Variants in CHRND observed in about 807,000 individuals in gnomAD.
CHRND encodes cholinergic receptor nicotinic delta subunit.
A neutral mutation model predicts 57.8 loss-of-function variants in CHRND; 40 were observed. The observed-to-expected ratio is 0.69, with a 90% CI of 0.54 to 0.90. The LOEUF (loss-of-function observed/expected upper bound fraction) is 0.90, where lower values mean the gene tolerates loss of function less well. Ranked by LOEUF, CHRND falls within the 40% of genes least tolerant of loss-of-function variation. CHRND has a pLI of 0.00. For missense variants in CHRND, 634 were observed against 673.9 expected (o/e 0.94, Z 0.66); for synonymous variants, 237 against 270.6 (o/e 0.88, Z 1.22).
chr2:232,534,368 A>C (rs751076439), intron 11 of CHRND, 26 bp downstream of exon 11: 7 of 1,604,972 alleles, frequency 4.4e-6, no homozygotes, highest in Admixed American at 3.3e-5. Flanking sequence ...ATTGCCATGT[A>C]CAGGTGTTCA....
chr2:232,529,318 G>C (rs1387422985), intron 6 of CHRND, among the ~76,000 whole-genome samples: 1 of 152,154 alleles, frequency 6.6e-6, no homozygotes, highest in Non-Finnish European at 1.5e-5. Flanking sequence ...GAGCCCAGGG[G>C]TGTGGTTGGC....
rs114022008 is a variant in CHRND at position 232,531,483 on chromosome 2, G to C, written c.932+20G>C. 6.2e-7 allele frequency: 1 copy of C among 1,613,314 alleles called. No individual in the cohort carries two copies. Among genetic ancestry groups the C allele is most frequent in the African/African-American group, 1.3e-5 (1 of 74,994 alleles). On this transcript the variant is annotated intron_variant, in intron 8 of 11. Transcript: ENST00000258385. ...CGGCAAGTGAGTGACGCTCAAGCCC[G>C]GCCTCACCCTGCTTGCCAGCCCAGC... is the stretch of plus-strand genomic sequence containing the variant.
chr2:232,528,441 C>T (rs1193951875), intron 4 of CHRND, 60 bp from the exon 5 acceptor site: 6 of 1,613,754 alleles, frequency 3.7e-6, no homozygotes, highest in Middle Eastern at 1.6e-4. Context: ...CTCTGCCTCC[C>T]CCAACTCTGC....
intron 9 of CHRND, among the ~76,000 whole-genome samples, chr2:232,532,112 T>C (rs1440177080): frequency 6.6e-6 from 1 of 151,228 alleles, no homozygotes; most frequent in Non-Finnish European, 1.5e-5. Context: ...TGTACTATGA[T>C]CACAGTTGCA....
In CHRND at chr2:232,530,101, CCTT is replaced by C; in HGVS notation, c.784_786del (p.Phe262del). ...ATCCTGGTGCCCTGCGTGCTCATCT[CCTT>C]CATGGTCAACCTGGTCTTCTACCTA... On this transcript the variant is annotated inframe_deletion, in exon 7 of 12. Coordinates refer to ENST00000258385, the MANE Select transcript of CHRND (RefSeq NM_000751.3). 1 of 1,614,194 alleles carries C rather than the reference CCTT, an allele frequency of 6.2e-7. No homozygotes were observed. Among genetic ancestry groups the C allele is most frequent in the Admixed American group, 1.7e-5 (1 of 60,032 alleles).
intron 9 of CHRND, among the ~76,000 whole-genome samples, chr2:232,532,215 C>A (rs916187438): frequency 6.6e-6 from 1 of 151,916 alleles, no homozygotes; most frequent in Non-Finnish European, 1.5e-5. Flanking sequence ...CACCTATAAT[C>A]CCAGCACTTT....
At chr2:232,527,834 T>A (rs1054707510) in intron 3 of CHRND, among the ~76,000 whole-genome samples, 5 of 152,194 alleles carry the variant, frequency 3.3e-5, no homozygotes, top group Non-Finnish European at 5.9e-5. Flanking sequence ...CCCGTCTGCC[T>A]TGGACACTGT....
chr2:232,531,645 G>A lies in CHRND; in HGVS notation c.1036G>A (p.Gly346Arg). 1 of 1,613,092 alleles carries A rather than the reference G, an allele frequency of 6.2e-7. No individual in the cohort carries two copies. Among genetic ancestry groups the A allele is most frequent in the South Asian group, 1.1e-5 (1 of 91,072 alleles). The change falls in exon 9 of 12, where the codon GGG becomes AGG. Residue 346 changes from glycine to arginine, a missense_variant. Transcript: ENST00000258385. ...ACCCAGCACCCATGTGCTGTCTGAG[G>A]GGGTCAAGAAGGTGAGTACTTGGCC... is the stretch of plus-strand genomic sequence containing the variant. ...RTPSTHVLSEGVKKLFLETLP... is the reference protein window; with the variant it reads ...RTPSTHVLSERVKKLFLETLP...
At position 232,535,632 on chromosome 2, in the gene CHRND, T is replaced by C. The variant is rs1009061738; in HGVS notation, c.*320T>C. ...AGAGCTCTGATAGGGGTGAGACAGA[T>C]AGGGCCCCTTCTCTGCTTCTCCTCC... On this transcript the variant is annotated 3_prime_UTR_variant, in exon 12 of 12. Transcript: ENST00000258385. 7 of 538,488 alleles carry C rather than the reference T, an allele frequency of 1.3e-5. No homozygotes were observed. The highest frequency in any genetic ancestry group is 5.2e-4 in the Middle Eastern group (1 of 1,936). The allele number at this position is 538,488 out of a possible 1,614,324, so 33.4% of individuals were successfully genotyped here. A position where few individuals can be genotyped will look rare whatever the true frequency, so the allele number is the denominator to read the frequency against.
chr2:232,528,974 GC>G lies in CHRND; in HGVS notation c.619+4del. 3 of 1,611,936 alleles carry G rather than the reference GC, an allele frequency of 1.9e-6. No individual in the cohort carries two copies. The highest frequency in any genetic ancestry group is 1.3e-5 in the African/African-American group (1 of 75,002). On this transcript the variant is annotated splice_donor_region_variant and intron_variant, in intron 6 of 11. Coordinates refer to ENST00000258385, the MANE Select transcript of CHRND (RefSeq NM_000751.3). ...CATTGATCCTGAAGGCTTCACAGGT[GC>G]TGGGAACAGCCGCCAGTGGGTGGGC...
chr2:232,526,303 C>A, intron 1 of CHRND, 36 bp downstream of exon 1: 1 of 1,602,876 alleles, frequency 6.2e-7, no homozygotes, highest in Non-Finnish European at 8.5e-7. Context: ...TGGGGTCCCC[C>A]GTGATGCTTA....
intron 1 of CHRND, 101 bp downstream of exon 1, chr2:232,526,368 C>A: frequency 6.6e-7 from 1 of 1,522,912 alleles, no homozygotes; most frequent in South Asian, 1.2e-5. Context: ...TCTGCCATCT[C>A]TCCCTGTGGG....
rs1452513175 is a variant in CHRND at position 232,535,522 on chromosome 2, C to T, written c.*210C>T. On this transcript the variant is annotated 3_prime_UTR_variant, in exon 12 of 12. Coordinates refer to ENST00000258385, the MANE Select transcript of CHRND (RefSeq NM_000751.3). ...ATGGTCTGAGGGTGGACATCGGCTA[C>T]AGTGGGTGGGCAGGACGATTTGGGG... The T allele has an allele frequency of 2.0e-5, 15 of 740,500 alleles. No homozygotes were observed. Among genetic ancestry groups the T allele is most frequent in the Non-Finnish European group, 3.3e-5 (14 of 425,698 alleles). 45.9% of individuals were successfully genotyped at this position (740,500 alleles called of 1,614,324 possible).
chr2:232,528,633 GCA>G lies in CHRND; in HGVS notation c.487_488del (p.Gln163GlufsTer38). On this transcript the variant is annotated frameshift_variant, in exon 5 of 12. Coordinates refer to ENST00000258385, the MANE Select transcript of CHRND (RefSeq NM_000751.3). LOFTEE classifies it high-confidence loss of function. ...ISVTYFPFDWQNCSLKFSSLK... is the reference protein window; with the variant it reads ...ISVTYFPFDWXNCSLKFSSLK... Reference sequence around the variant, plus strand: ...CTGTCACCTATTTCCCCTTCGACTGGCAGAACTGCTCCCTCAAGTTCAGGTGT... The same window carrying G: ...CTGTCACCTATTTCCCCTTCGACTGGGAACTGCTCCCTCAAGTTCAGGTGT... 6.2e-7 allele frequency: 1 copy of G among 1,614,018 alleles called. No individual in the cohort carries two copies.
At chr2:232,535,036 C>A in intron 11 of CHRND, 94 bp from the exon 12 acceptor site, 2 of 1,467,782 alleles carry the variant, frequency 1.4e-6, no homozygotes, top group Non-Finnish European at 9.4e-7. Context: ...GCACACTGAG[C>A]CGCCCTCTGC....
chr2:232,526,263 G>A lies in CHRND; in HGVS notation c.48G>A (p.Val16=). ...LTLGLLAALA[V]CGSWGLNEEE... ...TGGGGCTGCTGGCTGCCCTGGCGGTGTGTGGTAAGGGAAGACACCCTCCCC... is the reference window on the plus strand; with the variant it reads ...TGGGGCTGCTGGCTGCCCTGGCGGTATGTGGTAAGGGAAGACACCCTCCCC... The change falls in exon 1 of 12, where the codon GTG becomes GTA. Residue 16 remains valine, a synonymous_variant. Coordinates refer to ENST00000258385, the MANE Select transcript of CHRND (RefSeq NM_000751.3). 1.2e-6 allele frequency: 2 copies of A among 1,612,738 alleles called. No homozygotes were observed. Among genetic ancestry groups the A allele is most frequent in the South Asian group, 1.1e-5 (1 of 90,972 alleles).
intron 2 of CHRND, 91 bp from the exon 3 acceptor site, chr2:232,527,310 A>AAAAAAG (rs113930536): frequency 7.7e-6 from 7 of 912,962 alleles, no homozygotes; most frequent in East Asian, 5.2e-5. Flanking sequence ...TGGAAAAAAA[A>AAAAAAG]AGAGAGAGAG....
chr2:232,526,805 C>T, intron 2 of CHRND, 131 bp downstream of exon 2: 1 of 933,344 alleles, frequency 1.1e-6, no homozygotes. Context: ...CGTGCTGCGG[C>T]TGCTCTGTGC....
rs1394764071 is a variant in CHRND, at chr2:232,535,708, C to T, written c.*396C>T. On this transcript the variant is annotated 3_prime_UTR_variant, in exon 12 of 12. Transcript: ENST00000258385. ...GGAATCTGCGCCTTCACTCTCTGGC[C>T]CCTCCAGCCTCCCTCTTCCTACCTA... The T allele has an allele frequency of 2.8e-5, 13 of 464,050 alleles. No individual in the cohort carries two copies. The highest frequency in any genetic ancestry group is 6.6e-4 in the Middle Eastern group (1 of 1,516). 28.7% of individuals were successfully genotyped at this position (464,050 alleles called of 1,614,324 possible).
Sources: allele counts gnomAD v4.1 joint callset (sites outside exome capture counted in the v4.1 genomes callset), GRCh38; gene constraint gnomAD v4.1.1; transcripts MANE v1.5; gene names NCBI Gene and HGNC (gene_info 2026-07-23, HGNC 2026-07-21).